DMD: variants seen among roughly 807,000 people sequenced by gnomAD.
DMD encodes the protein mutant dystrophin.
In DMD, 63 loss-of-function variants were observed where a neutral mutation model predicts 330.1. That is an observed-to-expected ratio of 0.19 (90% CI 0.16 to 0.24). The LOEUF is 0.24. Among genes scored for constraint, DMD ranks in the 10% least tolerant of loss-of-function variants. The probability of loss-of-function intolerance (pLI) is 1.00; values close to 1 mark genes in which losing one functional copy is unlikely to be tolerated. For missense variants in DMD, 3,344 were observed against 2,684.1 expected (o/e 1.25, Z -5.43); for synonymous variants, 1,223 against 959.8 (o/e 1.27, Z -5.07).
rs1439623469 is a variant in DMD, at chrX:33,305,592, C to T, written c.7+33667G>A. 3.4e-5 allele frequency among the ~76,000 whole-genome samples: 3 copies of T among 89,500 alleles called. No individual in the cohort carries two copies. The South Asian group carries it at 1.6e-3, about 47-fold the overall frequency. 77.7% of individuals were successfully genotyped at this position (89,500 alleles called of 115,157 possible). On this transcript the variant is annotated intron_variant, in intron 1 of 17. Coordinates refer to the DMD transcript ENST00000288447. ...TAATAATAAAATTTAAAAAAAATGC[C>T]AAATATAACTTCAAAAAAAAAAAAA...
At chrX:32,410,800 C>T (rs1437306980) in intron 30 of DMD, among the ~76,000 whole-genome samples, 1 of 112,332 alleles carries the variant, frequency 8.9e-6, no homozygotes, top group Non-Finnish European at 1.9e-5. Flanking sequence ...TTTAAAAATA[C>T]TTCTTACAGT....
At chrX:31,368,120 G>A (rs1284317084) in intron 60 of DMD, among the ~76,000 whole-genome samples, 1 of 111,491 alleles carries the variant, frequency 9.0e-6, no homozygotes, top group Non-Finnish European at 1.9e-5. Flanking sequence ...TCAGCTTTCT[G>A]TTCTAGGTTC....
intron 9 of DMD, among the ~76,000 whole-genome samples, chrX:32,654,611 CTTTTT>C (rs144796914): frequency 9.1e-6 from 1 of 109,869 alleles, no homozygotes; most frequent in South Asian, 3.8e-4. Flanking sequence ...CTAAAATTCT[CTTTTT>C]TTTGTTTTGT....
chrX:32,602,884 A>T (rs1483017742), intron 12 of DMD, among the ~76,000 whole-genome samples: 1 of 111,415 alleles, frequency 9.0e-6, no homozygotes, highest in African/African-American at 3.3e-5. Context: ...AATGGAGAGA[A>T]ATGGTCTCAA....
chrX:32,590,812 G>C (rs905419962), intron 13 of DMD, among the ~76,000 whole-genome samples: 2 of 111,077 alleles, frequency 1.8e-5, no homozygotes, highest in African/African-American at 3.3e-5. Flanking sequence ...CAGGCTACTA[G>C]GTTCTCTCTT....
chrX:31,968,964 A>G (rs2095375180), intron 44 of DMD, among the ~76,000 whole-genome samples: 1 of 111,502 alleles, frequency 9.0e-6, no homozygotes, highest in African/African-American at 3.3e-5. Flanking sequence ...GGTTAGTCAC[A>G]GTATTAAAAA....
chrX:31,630,665 G>A (rs762188600), intron 54 of DMD, among the ~76,000 whole-genome samples: 5 of 110,211 alleles, frequency 4.5e-5, no homozygotes, highest in Non-Finnish European at 7.6e-5. Flanking sequence ...TAAGTAAAAT[G>A]TAAAAATAAG....
intron 4 of DMD, among the ~76,000 whole-genome samples, chrX:32,843,033 C>A (rs974000074): frequency 1.8e-5 from 2 of 111,602 alleles, no homozygotes; most frequent in African/African-American, 6.5e-5. Flanking sequence ...GTCTCGAACT[C>A]CTGACCTCTG....
At chrX:33,079,799 A>T (rs1478396048) in intron 1 of DMD, among the ~76,000 whole-genome samples, 1 of 111,672 alleles carries the variant, frequency 9.0e-6, no homozygotes, top group Non-Finnish European at 1.9e-5. Context: ...ATAACTCCAA[A>T]ATCTTAAAAG....
At chrX:32,618,727 T>G (rs2057772846) in intron 11 of DMD, among the ~76,000 whole-genome samples, 1 of 111,504 alleles carries the variant, frequency 9.0e-6, no homozygotes, top group Admixed American at 9.6e-5. Flanking sequence ...TCACCTCACT[T>G]TTGTTAGCAT....
intron 55 of DMD, among the ~76,000 whole-genome samples, chrX:31,617,124 A>AGGAGAT (rs2078242751): frequency 8.9e-6 from 1 of 112,309 alleles, no homozygotes; most frequent in Non-Finnish European, 1.9e-5. Context: ...ATTGGATTAA[A>AGGAGAT]GGAGATGGAG....
intron 44 of DMD, among the ~76,000 whole-genome samples, chrX:32,071,762 A>C (rs2147800431): frequency 8.9e-6 from 1 of 111,852 alleles, no homozygotes; most frequent in South Asian, 3.7e-4. Context: ...AAAAACTAAA[A>C]TAAAAAAGAA....
intron 26 of DMD, among the ~76,000 whole-genome samples, chrX:32,452,862 G>T (rs1171084531): frequency 9.0e-6 from 1 of 111,043 alleles, no homozygotes; most frequent in Non-Finnish European, 1.9e-5. Flanking sequence ...CTTATCTGAG[G>T]TAATTTTATC....
At chrX:32,137,018 T>A (rs762323209) in intron 44 of DMD, among the ~76,000 whole-genome samples, 6 of 111,570 alleles carry the variant, frequency 5.4e-5, no homozygotes, top group South Asian at 3.7e-4. Flanking sequence ...ATAATAAATT[T>A]AAAAAAAAGA....
chrX:33,324,450 C>T (rs2054061260), intron 1 of DMD, among the ~76,000 whole-genome samples: 1 of 111,778 alleles, frequency 8.9e-6, no homozygotes, highest in African/African-American at 3.2e-5. Flanking sequence ...TTCTATTAGT[C>T]TGAGCCTTAA....
At chrX:31,960,325 A>T (rs16998247) in intron 45 of DMD, among the ~76,000 whole-genome samples, 1 of 111,241 alleles carries the variant, frequency 9.0e-6, no homozygotes, top group African/African-American at 3.3e-5. Flanking sequence ...AAAAACATCA[A>T]TAGGTTACTA....
intron 44 of DMD, among the ~76,000 whole-genome samples, chrX:31,991,139 T>C (rs2095547448): frequency 8.9e-6 from 1 of 111,830 alleles, no homozygotes; most frequent in African/African-American, 3.2e-5. Context: ...AATATTGAGA[T>C]TATATTAAAA....
chrX:32,807,137 AAAAAAAAAAAAAC>A, intron 7 of DMD, among the ~76,000 whole-genome samples: 1 of 104,087 alleles, frequency 9.6e-6, no homozygotes, highest in South Asian at 4.2e-4. Flanking sequence ...AAAAAAAAAA[AAAAAAAAAAAAAC>A]ATCAACAAAT....
At chrX:31,827,904 T>C (rs2092926014) in intron 49 of DMD, among the ~76,000 whole-genome samples, 1 of 111,821 alleles carries the variant, frequency 8.9e-6, no homozygotes, top group African/African-American at 3.2e-5. Context: ...ACCTCTGAGA[T>C]ACAGCAAAAA....
Sources: allele counts gnomAD v4.1 joint callset (sites outside exome capture counted in the v4.1 genomes callset), GRCh38; gene constraint gnomAD v4.1.1; transcripts MANE v1.5; gene names NCBI Gene and HGNC (gene_info 2026-07-23, HGNC 2026-07-21).